Variants in TRPC1 observed in about 807,000 individuals in gnomAD.
TRPC1 encodes the protein transient receptor potential cation channel subfamily C member 1.
In TRPC1, 42 loss-of-function variants were observed where a neutral mutation model predicts 88.2. That is an observed-to-expected ratio of 0.48 (90% confidence interval 0.37 to 0.62). The LOEUF is 0.62. Ranked by LOEUF, TRPC1 falls within the 20% of genes least tolerant of loss-of-function variation. TRPC1 has a pLI of 0.00. For missense variants in TRPC1, 699 were observed against 957.3 expected, an observed-to-expected ratio of 0.73 and a Z score of 3.56; for synonymous variants, 288 against 331.8, an observed-to-expected ratio of 0.87 and a Z score of 1.43.
chr3:142,738,253 G>A (rs547681849), intron 2 of TRPC1, among the ~76,000 whole-genome samples: 3 of 152,258 alleles, frequency 2.0e-5, no homozygotes, highest in African/African-American at 7.2e-5. Context: ...GCTCTTTCTA[G>A]TTCACTGTGT....
rs1206981489 is a variant in TRPC1, at chr3:142,806,485, CTTGGT to C, written c.*253_*257del. 4 of 278,998 alleles carry C rather than the reference CTTGGT, an allele frequency of 1.4e-5. No homozygotes were observed. Among genetic ancestry groups the C allele is most frequent in the African/African-American group, 4.4e-5 (2 of 45,072 alleles). The allele number at this position is 278,998 out of a possible 1,614,324, so 17.3% of individuals were successfully genotyped here. On this transcript the variant is annotated 3_prime_UTR_variant, in exon 13 of 13. Coordinates refer to ENST00000476941, the MANE Select transcript of TRPC1 (RefSeq NM_001251845.2). ...GTAGATAGATTTTGTTAGCATGCTGCTTGGTTTTCTTACTTAGTGCTTTAAAATGT... is the reference window on the plus strand; with the variant it reads ...GTAGATAGATTTTGTTAGCATGCTGCTTTCTTACTTAGTGCTTTAAAATGT...
intron 2 of TRPC1, among the ~76,000 whole-genome samples, chr3:142,739,589 T>C (rs1039819453): frequency 5.3e-5 from 8 of 152,270 alleles, no homozygotes; most frequent in African/African-American, 1.9e-4. Flanking sequence ...TAAAACAAAA[T>C]GGATACAAAG....
At chr3:142,755,421 A>T (rs1424765877) in intron 4 of TRPC1, among the ~76,000 whole-genome samples, 2 of 152,164 alleles carry the variant, frequency 1.3e-5, no homozygotes, top group Non-Finnish European at 2.9e-5. Flanking sequence ...GCAAAACTCC[A>T]TCTAAAAAAG....
chr3:142,731,215 A>G (rs1457214156), intron 1 of TRPC1, among the ~76,000 whole-genome samples: 1 of 151,992 alleles, frequency 6.6e-6, no homozygotes, highest in Non-Finnish European at 1.5e-5. Flanking sequence ...ATTGGTTTGG[A>G]ATGATCATTG....
chr3:142,763,860 T>C (rs1935274729), intron 4 of TRPC1, among the ~76,000 whole-genome samples: 1 of 150,902 alleles, frequency 6.6e-6, no homozygotes, highest in Non-Finnish European at 1.5e-5. Context: ...GGTTTCATAC[T>C]ATCATTACCA....
intron 6 of TRPC1, among the ~76,000 whole-genome samples, chr3:142,783,142 C>A (rs1223870369): frequency 6.6e-6 from 1 of 152,284 alleles, no homozygotes; most frequent in Non-Finnish European, 1.5e-5. Context: ...TCTAGTTAAA[C>A]TTTTTATTCC....
chr3:142,746,829 G>T (rs1022681720), intron 3 of TRPC1, among the ~76,000 whole-genome samples: 2 of 151,836 alleles, frequency 1.3e-5, no homozygotes, highest in Admixed American at 6.6e-5. Context: ...CTGCACTCCA[G>T]CCTGGGCGAA....
intron 5 of TRPC1, among the ~76,000 whole-genome samples, chr3:142,779,861 A>ATTTTTTTTTTTTTTTTT (rs1008974297): frequency 1.6e-5 from 2 of 125,420 alleles, no homozygotes; most frequent in African/African-American, 3.1e-5. Flanking sequence ...AATGTAATTG[A>ATTTTTTTTTTTTTTTTT]TTTTTTTTTT....
chr3:142,760,819 G>GTTTGT (rs763960667), intron 4 of TRPC1, among the ~76,000 whole-genome samples: 206 of 151,920 alleles, frequency 1.4e-3, no homozygotes, highest in Non-Finnish European at 1.9e-3. Context: ...TTGATTCCTA[G>GTTTGT]TTTGTTTTGT....
chr3:142,746,201 T>A (rs1934548829), intron 3 of TRPC1, among the ~76,000 whole-genome samples: 2 of 152,240 alleles, frequency 1.3e-5, no homozygotes, highest in South Asian at 4.1e-4. Context: ...AGCATTTCAA[T>A]GAATTCATTC....
intron 2 of TRPC1, among the ~76,000 whole-genome samples, chr3:142,738,160 G>A (rs1002598740): frequency 3.3e-5 from 5 of 152,130 alleles, no homozygotes; most frequent in Non-Finnish European, 7.4e-5. Context: ...GAGGCTCATA[G>A]ACTTTAATGA....
intron 4 of TRPC1, among the ~76,000 whole-genome samples, chr3:142,773,483 A>C (rs1321535670): frequency 6.6e-6 from 1 of 151,918 alleles, no homozygotes; most frequent in Non-Finnish European, 1.5e-5. Flanking sequence ...CAAATAGAGA[A>C]TATCCATAAA....
intron 1 of TRPC1, among the ~76,000 whole-genome samples, chr3:142,725,011 AC>A (rs1483436613): frequency 1.3e-5 from 2 of 151,820 alleles, no homozygotes; most frequent in East Asian, 3.9e-4. Flanking sequence ...GGGAGCCCCG[AC>A]CCCAGCGTTT....
At chr3:142,745,163 A>C (rs1238690110) in intron 3 of TRPC1, among the ~76,000 whole-genome samples, 3 of 151,180 alleles carry the variant, frequency 2.0e-5, no homozygotes, top group South Asian at 2.1e-4. Flanking sequence ...TCCCTATCCA[A>C]AGCATCAGAA....
chr3:142,790,249 C>T (rs968557419), intron 7 of TRPC1, among the ~76,000 whole-genome samples: 5 of 152,004 alleles, frequency 3.3e-5, no homozygotes, highest in South Asian at 4.2e-4. Flanking sequence ...AGGAGGCCAG[C>T]GCGACTAGAA....
At chr3:142,763,297 T>C (rs2108078039) in intron 4 of TRPC1, among the ~76,000 whole-genome samples, 1 of 152,192 alleles carries the variant, frequency 6.6e-6, no homozygotes, top group South Asian at 2.1e-4. Context: ...TATTGTAGTT[T>C]ATCTATGAAC....
chr3:142,795,097 G>A (rs1936411959), intron 9 of TRPC1, among the ~76,000 whole-genome samples: 1 of 152,062 alleles, frequency 6.6e-6, no homozygotes, highest in Admixed American at 6.6e-5. Context: ...TGTGATTAAT[G>A]ACAGGTTAGA....
chr3:142,764,653 A>G (rs1314356232), intron 4 of TRPC1, among the ~76,000 whole-genome samples: 1 of 151,508 alleles, frequency 6.6e-6, no homozygotes, highest in Admixed American at 6.6e-5. Flanking sequence ...GGGCTTCTTT[A>G]TATGTTATTT....
intron 2 of TRPC1, among the ~76,000 whole-genome samples, chr3:142,742,795 T>C (rs142878905): frequency 1.1e-4 from 17 of 152,268 alleles, no homozygotes; most frequent in Non-Finnish European, 2.1e-4. Flanking sequence ...AGTTGAAAAG[T>C]CCCCATTTCC....
Sources: gnomAD v4.1 joint callset for allele counts (sites outside exome capture counted in the v4.1 genomes callset) on GRCh38, gnomAD v4.1.1 for gene constraint, MANE v1.5 for transcripts, NCBI Gene and HGNC (gene_info 2026-07-23, HGNC 2026-07-21) for gene names.